The following ITGA6 variants were observed in gnomAD, a reference collection of about 807,000 sequenced individuals.
ITGA6 encodes integrin subunit alpha 6.
In ITGA6, 63 loss-of-function variants were observed where a neutral mutation model predicts 133.6. The ratio of observed to expected loss-of-function variants is 0.47; its 90% CI spans 0.38 to 0.58. The LOEUF (loss-of-function observed/expected upper bound fraction) is 0.58, where lower values mean the gene tolerates loss of function less well. Ranked by LOEUF, ITGA6 falls within the 20% of genes least tolerant of loss-of-function variation. The pLI, the probability that ITGA6 is intolerant of heterozygous loss-of-function variation, is 0.00. For missense variants in ITGA6, 1,068 were observed against 1,309.4 expected (o/e 0.82, Z 2.85); for synonymous variants, 434 against 482.0 (o/e 0.90, Z 1.30).
chr2:172,499,723 GT>G (rs1687273900), intron 24 of ITGA6, among the ~76,000 whole-genome samples: 1 of 152,156 alleles, frequency 6.6e-6, no homozygotes, highest in Admixed American at 6.5e-5. Flanking sequence ...ATGATGTTGT[GT>G]TTTCTGGAAG....
Position 172,458,969 on chromosome 2 carries a change from A to G in ITGA6, c.183-6570A>G, listed in dbSNP as rs180702470. Reference sequence around the variant, plus strand: ...TGTCAGTATAAATACCAGAAAATACAGTTGAAAAATCTCAGAACCACAGAG... The same window carrying G: ...TGTCAGTATAAATACCAGAAAATACGGTTGAAAAATCTCAGAACCACAGAG... On this transcript the variant is annotated intron_variant, in intron 1 of 25. Coordinates refer to ENST00000684293, the MANE Select transcript of ITGA6 (RefSeq NM_000210.4). Among the ~76,000 whole-genome samples, 5 of 152,328 alleles carry G rather than the reference A, an allele frequency of 3.3e-5. No homozygotes were observed. In the East Asian group the frequency reaches 9.6e-4, roughly 29 times the overall value.
chr2:172,450,910 A>ATATACAAATATATATTTATAT (rs1684965750), intron 1 of ITGA6, among the ~76,000 whole-genome samples: 2 of 139,440 alleles, frequency 1.4e-5, no homozygotes, highest in African/African-American at 6.0e-5. Flanking sequence ...TATTTATATT[A>ATATACAAATATATATTTATAT]TATATAAATT....
intron 7 of ITGA6, 61 bp from the exon 8 acceptor site, chr2:172,475,536 C>T (rs942591507): frequency 3.2e-6 from 3 of 933,676 alleles, no homozygotes; most frequent in African/African-American, 3.2e-5. Context: ...TACTTTAAAA[C>T]ATTTTACTAG....
chr2:172,431,225 A>G (rs1298292504), intron 1 of ITGA6, among the ~76,000 whole-genome samples: 2 of 152,234 alleles, frequency 1.3e-5, no homozygotes, highest in Non-Finnish European at 2.9e-5. Flanking sequence ...ATCTAGTCCA[A>G]CTGCCTCTTT....
chr2:172,446,178 A>C (rs1684760667), intron 1 of ITGA6, among the ~76,000 whole-genome samples: 1 of 151,762 alleles, frequency 6.6e-6, no homozygotes, highest in Non-Finnish European at 1.5e-5. Context: ...CAAAGCATTG[A>C]AAAATTTGTA....
At chr2:172,479,960 T>G in intron 10 of ITGA6, 30 bp from the exon 11 acceptor site, 1 of 1,489,386 alleles carries the variant, frequency 6.7e-7, no homozygotes, top group Non-Finnish European at 9.4e-7. Context: ...TAATGGATCT[T>G]TTAAGAAATA....
chr2:172,484,956 A>G lies in ITGA6; in HGVS notation c.1710+14A>G. On this transcript the variant is annotated intron_variant, in intron 12 of 25. Coordinates refer to ENST00000684293, the MANE Select transcript of ITGA6 (RefSeq NM_000210.4). ...CTGTGGCTACAGGTGAGGGCTGCAG[A>G]TGGTCACATCTGTTTTATGAAGAGG... 6.2e-7 allele frequency: 1 copy of G among 1,613,638 alleles called. No individual in the cohort carries two copies. Among genetic ancestry groups the G allele is most frequent in the Middle Eastern group, 1.6e-4 (1 of 6,062 alleles).
intron 1 of ITGA6, among the ~76,000 whole-genome samples, chr2:172,454,176 T>C (rs983979077): frequency 6.6e-6 from 1 of 150,848 alleles, no homozygotes; most frequent in Non-Finnish European, 1.5e-5. Context: ...CTCTGCCTCC[T>C]GAGTTCAAGT....
intron 25 of ITGA6, among the ~76,000 whole-genome samples, 200 bp downstream of exon 25, chr2:172,502,101 G>A (rs11549823): frequency 0.011 from 1,660 of 151,990 alleles, 21 homozygotes; most frequent in Non-Finnish European, 0.017. Context: ...ACAGTCTTTC[G>A]TTGCAGGTGA....
At chr2:172,459,501 C>CA (rs141683588) in intron 1 of ITGA6, among the ~76,000 whole-genome samples, 2,057 of 151,710 alleles carry the variant, frequency 0.014, 45 homozygotes, top group African/African-American at 0.046. Context: ...GAGACTGTCT[C>CA]AAAAAAAAGA....
intron 24 of ITGA6, among the ~76,000 whole-genome samples, chr2:172,498,885 G>A (rs941390414): frequency 9.2e-5 from 14 of 152,158 alleles, no homozygotes; most frequent in African/African-American, 2.7e-4. Context: ...AAAACCTGAC[G>A]TGATGTGAAG....
In ITGA6 at chr2:172,490,326, CCTCT is replaced by C. The variant is rs1170314737; in HGVS notation, c.2679+673_2679+676del. Among the ~76,000 whole-genome samples, 4 of 152,168 alleles carry C rather than the reference CCTCT, an allele frequency of 2.6e-5. No homozygotes were observed. In the South Asian group the frequency reaches 8.3e-4, roughly 32 times the overall value. On this transcript the variant is annotated intron_variant, in intron 20 of 25. Coordinates refer to ENST00000684293, the MANE Select transcript of ITGA6 (RefSeq NM_000210.4). ...GATGTCAAAGCCTGTACTGTTAACC[CCTCT>C]CTCTATACTGCTCCATGCTTAGATA...
At chr2:172,465,132 A>G (rs977313324) in intron 1 of ITGA6, 5 of 254,314 alleles carry the variant, frequency 2.0e-5, no homozygotes, top group South Asian at 8.0e-5. Flanking sequence ...TGCTTATTAC[A>G]TTTAGTGTGG....
chr2:172,493,322 T>C (rs939824062), intron 23 of ITGA6, among the ~76,000 whole-genome samples: 1 of 152,022 alleles, frequency 6.6e-6, no homozygotes, highest in African/African-American at 2.4e-5. Context: ...CATAAGGGAC[T>C]TTCAAATAAA....
intron 4 of ITGA6, 120 bp downstream of exon 4, chr2:172,469,500 ATAT>A (rs1248061817): frequency 3.4e-6 from 3 of 878,970 alleles, no homozygotes; most frequent in Non-Finnish European, 5.3e-6. Flanking sequence ...GTTGGGTAGG[ATAT>A]TAAAAATCTC....
At chr2:172,462,782 C>A (rs1447650087) in intron 1 of ITGA6, among the ~76,000 whole-genome samples, 2 of 152,208 alleles carry the variant, frequency 1.3e-5, no homozygotes, top group African/African-American at 2.4e-5. Context: ...CTGTACCCTG[C>A]AGGACACAGC....
At chr2:172,444,389 C>T (rs1232373037) in intron 1 of ITGA6, among the ~76,000 whole-genome samples, 1 of 152,090 alleles carries the variant, frequency 6.6e-6, no homozygotes, top group Non-Finnish European at 1.5e-5. Context: ...AAATAACTTT[C>T]ATTCTGGTTG....
intron 1 of ITGA6, among the ~76,000 whole-genome samples, chr2:172,462,969 G>A (rs1266665884): frequency 1.3e-5 from 2 of 152,106 alleles, no homozygotes; most frequent in Non-Finnish European, 2.9e-5. Context: ...GCCACCTCCA[G>A]TCCCGCTGTC....
intron 1 of ITGA6, among the ~76,000 whole-genome samples, chr2:172,450,859 T>C (rs1353392996): frequency 1.4e-5 from 2 of 146,650 alleles, no homozygotes. Flanking sequence ...TATGTATTTA[T>C]ATAATATACA....
Sources: allele counts gnomAD v4.1 joint callset (sites outside exome capture counted in the v4.1 genomes callset), GRCh38; gene constraint gnomAD v4.1.1; transcripts MANE v1.5; gene names NCBI Gene and HGNC (gene_info 2026-07-23, HGNC 2026-07-21).